The following NUP214 variants were observed in gnomAD, a reference collection of about 807,000 sequenced individuals.
The protein encoded by NUP214 is nucleoporin 214.
A neutral mutation model predicts 196.2 loss-of-function variants in NUP214; 79 were observed. The ratio of observed to expected loss-of-function variants is 0.40; its 90% CI spans 0.34 to 0.49. The LOEUF (loss-of-function observed/expected upper bound fraction) is 0.49, where lower values mean the gene tolerates loss of function less well. Ranked by LOEUF, NUP214 falls within the 20% of genes least tolerant of loss-of-function variation. The probability of loss-of-function intolerance (pLI) is 0.58; values close to 1 mark genes in which losing one functional copy is unlikely to be tolerated. For synonymous variants in NUP214, 1,020 were observed against 990.5 expected (o/e 1.03, Z -0.56); for missense variants, 2,468 against 2,539.0 (o/e 0.97, Z 0.60).
chr9:131,195,334 C>T, intron 28 of NUP214, 40 bp downstream of exon 28: 1 of 1,526,998 alleles, frequency 6.5e-7, no homozygotes, highest in Non-Finnish European at 9.1e-7. Flanking sequence ...CATGTGTTTT[C>T]TCTAAATAAG....
chr9:131,165,390 A>G (rs1286222979), intron 21 of NUP214: 1 of 152,234 alleles, frequency 6.6e-6, no homozygotes, highest in Non-Finnish European at 1.5e-5. Flanking sequence ...TTTATTTTAA[A>G]ATGAAATTGA....
At chr9:131,150,809 C>T (rs750220930) in intron 16 of NUP214, 44 bp downstream of exon 16, 1 of 1,564,524 alleles carries the variant, frequency 6.4e-7, no homozygotes, top group Non-Finnish European at 8.7e-7. Flanking sequence ...TTGCATTTAA[C>T]AATTTTTTTC....
At chr9:131,206,023 G>A (rs575098517) in intron 30 of NUP214, among the ~76,000 whole-genome samples, 101 of 152,014 alleles carry the variant, frequency 6.6e-4, no homozygotes, top group African/African-American at 2.2e-3. Flanking sequence ...GTATGTATCA[G>A]GATACAAGTG....
rs750371723 is a variant in NUP214 at position 131,164,156 on chromosome 9, C to T, written c.2893+12C>T. The stretch of plus-strand genomic sequence containing the variant: ...ATCCACTGCTCCAGGTAAAGAGAAC[C>T]AGTAACTGGGCCTGTACATAGTGAT... On this transcript the variant is annotated intron_variant, in intron 21 of 35. Transcript: ENST00000359428. 3 of 1,613,054 alleles carry T rather than the reference C, an allele frequency of 1.9e-6. No homozygotes were observed. In the Admixed American group the frequency reaches 5.0e-5, roughly 27 times the overall value.
At chr9:131,200,078 A>G (rs937978262) in intron 29 of NUP214, among the ~76,000 whole-genome samples, 3 of 152,234 alleles carry the variant, frequency 2.0e-5, no homozygotes, top group African/African-American at 7.2e-5. Context: ...CACAGTCCGT[A>G]TCACTACCAC....
Position 131,197,581 on chromosome 9 carries a change from A to T in NUP214, c.4087A>T (p.Thr1363Ser), listed in dbSNP as rs1225009192. 6.2e-7 allele frequency: 1 copy of T among 1,614,128 alleles called. No homozygotes were observed. Among genetic ancestry groups the T allele is most frequent in the Admixed American group, 1.7e-5 (1 of 60,004 alleles). The change falls in exon 29 of 36, where the codon ACC (threonine) becomes TCC (serine). Residue 1363 changes from threonine to serine, a missense_variant. Around this residue, in one of 5 missense-constraint regions of NUP214, gnomAD observed 1,801 missense variants for 1,779.4 expected, o/e 1.01. Coordinates refer to ENST00000359428, the MANE Select transcript of NUP214 (RefSeq NM_005085.4). ...SSTSLTSTQP[T>S]KTSGVPSGFN... Reference sequence around the variant, plus strand: ...CACAAGCCTAACTAGTACCCAGCCAACCAAGACGTCAGGCGTGCCCTCAGG... The same window carrying T: ...CACAAGCCTAACTAGTACCCAGCCATCCAAGACGTCAGGCGTGCCCTCAGG...
In NUP214 at chr9:131,195,288, G is replaced by T; in HGVS notation, c.3715G>T (p.Ala1239Ser). 5 of 1,612,320 alleles carry T rather than the reference G, an allele frequency of 3.1e-6. No homozygotes were observed. The highest frequency in any genetic ancestry group is 4.2e-6 in the Non-Finnish European group (5 of 1,178,398). ...AACACCGTCTTCTAATTTCACTGCT[G>T]CACAAGGTACAGACTCTGTGTTGAG... ...TPTPSSNFTA[A>S]QGATPSTKES... The change falls in exon 28 of 36, where the codon GCA (alanine) becomes TCA (serine). Residue 1239 changes from alanine (A) to serine (S), a missense_variant. By Grantham distance (99) the Ala-to-Ser change is moderately conservative. Transcript: ENST00000359428.
intron 32 of NUP214, among the ~76,000 whole-genome samples, chr9:131,227,524 ACT>A (rs1016916991): frequency 7.9e-5 from 12 of 151,678 alleles, no homozygotes; most frequent in South Asian, 2.1e-4. Flanking sequence ...AGAAAGGGAG[ACT>A]CTGATGAGAG....
intron 23 of NUP214, among the ~76,000 whole-genome samples, chr9:131,176,831 A>G (rs914320989): frequency 6.6e-6 from 1 of 152,166 alleles, no homozygotes; most frequent in African/African-American, 2.4e-5. Context: ...TATCAGTTTT[A>G]TAAGCTAGTA....
At chr9:131,226,996 T>C (rs1032143504) in intron 32 of NUP214, among the ~76,000 whole-genome samples, 2 of 152,244 alleles carry the variant, frequency 1.3e-5, no homozygotes, top group Non-Finnish European at 2.9e-5. Context: ...TTACTCCCGC[T>C]AGCACGCAGT....
chr9:131,128,368 T>A lies in NUP214; in HGVS notation c.278T>A (p.Phe93Tyr). The A allele has an allele frequency of 6.2e-7, 1 of 1,613,124 alleles. No individual in the cohort carries two copies. The highest frequency in any genetic ancestry group is 8.5e-7 in the Non-Finnish European group (1 of 1,179,436). The change falls in exon 3 of 36, where the codon TTC becomes TAC. Residue 93 changes from phenylalanine (F) to tyrosine (Y), a missense_variant. By Grantham distance (22) the Phe-to-Tyr change is conservative. Transcript: ENST00000359428. ...KVQGLLVPMK[F>Y]PIHHLALSCD... ...CAAGGCTTGCTAGTTCCTATGAAAT[T>A]CCCAATCCATCACCTGGCCTTGAGC...
intron 24 of NUP214, among the ~76,000 whole-genome samples, chr9:131,182,243 A>G (rs930075435): frequency 2.0e-5 from 3 of 152,258 alleles, no homozygotes; most frequent in Admixed American, 6.5e-5. Context: ...TTAAAAAAAT[A>G]AAATGGATTT....
intron 26 of NUP214, 155 bp from the exon 27 acceptor site, chr9:131,192,053 A>C: frequency 2.0e-6 from 1 of 493,986 alleles, no homozygotes; most frequent in Non-Finnish European, 3.5e-6. Flanking sequence ...CAACGTGCTC[A>C]CTCCCCATGG....
At chr9:131,179,436 G>A (rs1421499496) in intron 24 of NUP214, among the ~76,000 whole-genome samples, 1 of 152,164 alleles carries the variant, frequency 6.6e-6, no homozygotes, top group Non-Finnish European at 1.5e-5. Context: ...GATCCCTTTA[G>A]ACCAACCACC....
At chr9:131,140,751 G>A in intron 11 of NUP214, 41 bp downstream of exon 11, 1 of 1,570,730 alleles carries the variant, frequency 6.4e-7, no homozygotes, top group Non-Finnish European at 8.7e-7. Flanking sequence ...GGAATACCAT[G>A]GGCTTGCACA....
At chr9:131,154,449 T>C (rs1239611016) in intron 17 of NUP214, among the ~76,000 whole-genome samples, 1 of 151,428 alleles carries the variant, frequency 6.6e-6, no homozygotes, top group Non-Finnish European at 1.5e-5. Context: ...TCTGTCTGTC[T>C]ATCTATCTAT....
In NUP214 at chr9:131,193,629, C is replaced by CTTTTTTTTTTTTTTTTTTTTTTTTTTTT. The variant is rs71389402; in HGVS notation, c.3659+1343_3659+1370dup. Among the ~76,000 whole-genome samples, 43 of 28,226 alleles carry CTTTTTTTTTTTTTTTTTTTTTTTTTTTT rather than the reference C, an allele frequency of 1.5e-3. 18 individuals are homozygous for CTTTTTTTTTTTTTTTTTTTTTTTTTTTT. Among genetic ancestry groups the CTTTTTTTTTTTTTTTTTTTTTTTTTTTT allele is most frequent in the East Asian group, 2.4e-3 (2 of 832 alleles). 18.5% of individuals were successfully genotyped at this position (28,226 alleles called of 152,430 possible). A position where few individuals can be genotyped will look rare whatever the true frequency, so the allele number is the denominator to read the frequency against. Reference sequence around the variant, plus strand: ...GTGAAATGATATTCTTCTTCCTTTTCTTTTTTTTTTTTTTTTTTTTTTTTT... The same window carrying CTTTTTTTTTTTTTTTTTTTTTTTTTTTT: ...GTGAAATGATATTCTTCTTCCTTTTCTTTTTTTTTTTTTTTTTTTTTTTTTTTTTTTTTTTTTTTTTTTTTTTTTTTTT... On this transcript the variant is annotated intron_variant, in intron 27 of 35. Transcript: ENST00000359428.
intron 8 of NUP214, 46 bp downstream of exon 8, chr9:131,135,050 T>C (rs1384871595): frequency 2.3e-6 from 3 of 1,290,034 alleles, no homozygotes; most frequent in Non-Finnish European, 3.4e-6. Flanking sequence ...CACTGGAAGA[T>C]CACACCTGAG....
At chr9:131,212,023 C>G (rs973305744) in intron 30 of NUP214, among the ~76,000 whole-genome samples, 7 of 152,170 alleles carry the variant, frequency 4.6e-5, no homozygotes, top group Non-Finnish European at 7.3e-5. Context: ...AGTTCTTTTT[C>G]TCAGCAAGGA....
Sources: gnomAD v4.1 joint callset for allele counts (sites outside exome capture counted in the v4.1 genomes callset) on GRCh38, gnomAD v4.1.1 for gene constraint, gnomAD v4.1.1 regional missense constraint, MANE v1.5 for transcripts, NCBI Gene and HGNC (gene_info 2026-07-23, HGNC 2026-07-21) for gene names.